TRIM71: variants seen among roughly 807,000 people sequenced by gnomAD.
TRIM71 encodes the protein tripartite motif containing 71.
TRIM71 carries 9 observed loss-of-function variants against 61.2 expected under a neutral mutation model. The ratio of observed to expected loss-of-function variants is 0.15; its 90% CI spans 0.09 to 0.26. The LOEUF (loss-of-function observed/expected upper bound fraction) is 0.26, where lower values mean the gene tolerates loss of function less well. Ranked by LOEUF, TRIM71 falls within the 10% of genes least tolerant of loss-of-function variation. TRIM71 has a pLI of 1.00. For missense variants in TRIM71, 998 were observed against 1,238.7 expected (o/e 0.81, Z 2.92); for synonymous variants, 645 against 553.2 (o/e 1.17, Z -2.33).
At position 32,818,938 on chromosome 3, in the gene TRIM71, TGCGTGGGG is replaced by T. The variant is rs1453902867; in HGVS notation, c.852+12_852+19del. On this transcript the variant is annotated splice_region_variant and intron_variant, in intron 1 of 3. Coordinates refer to ENST00000383763, the MANE Select transcript of TRIM71 (RefSeq NM_001039111.3). Reference sequence around the variant, plus strand: ...GCCAGCACCACGACGACGAGGTGAGTGCGTGGGGGCGTGTGTTTGTGTCCATCGGATAA... The same window carrying T: ...GCCAGCACCACGACGACGAGGTGAGTGCGTGTGTTTGTGTCCATCGGATAA... The T allele has an allele frequency of 6.2e-7, 1 of 1,610,530 alleles. No homozygotes were observed. The highest frequency in any genetic ancestry group is 1.1e-5 in the South Asian group (1 of 90,818).
intron 1 of TRIM71, among the ~76,000 whole-genome samples, chr3:32,838,231 A>T (rs1448686832): frequency 6.6e-6 from 1 of 151,968 alleles, no homozygotes; most frequent in African/African-American, 2.4e-5. Context: ...TATTATTATT[A>T]TATTTTTTTG....
intron 1 of TRIM71, among the ~76,000 whole-genome samples, chr3:32,859,475 C>A (rs563880260): frequency 6.6e-6 from 1 of 152,208 alleles, no homozygotes; most frequent in Admixed American, 6.5e-5. Flanking sequence ...CAGGCTGGTT[C>A]TTGAACTCCT....
intron 1 of TRIM71, among the ~76,000 whole-genome samples, chr3:32,861,879 A>C (rs977521513): frequency 1.3e-5 from 2 of 151,954 alleles, no homozygotes. Context: ...ACACCCCCAC[A>C]CCCCACCTGA....
Position 32,818,258 on chromosome 3 carries a change from C to T in TRIM71, c.178C>T (p.Pro60Ser). Residue 60 changes from proline (P) to serine (S), a missense_variant, in exon 1 of 4, where the codon CCC becomes TCC. Around this residue, in one of 5 missense-constraint regions of TRIM71, gnomAD observed 527 missense variants for 427.8 expected, o/e 1.23. Coordinates refer to ENST00000383763, the MANE Select transcript of TRIM71 (RefSeq NM_001039111.3). ...GGCGGCGCGCCGCCTACACGTCCTGCCCTGCCTGCACGCCTTCTGCCGCCC... is the reference window on the plus strand; with the variant it reads ...GGCGGCGCGCCGCCTACACGTCCTGTCCTGCCTGCACGCCTTCTGCCGCCC... Reference protein sequence around the residue: ...GAAARRLHVLPCLHAFCRPCL... With the variant: ...GAAARRLHVLSCLHAFCRPCL... The T allele has an allele frequency of 1.4e-6, 2 of 1,453,944 alleles. No individual in the cohort carries two copies. The highest frequency in any genetic ancestry group is 1.8e-6 in the Non-Finnish European group (2 of 1,117,306). The allele number at this position is 1,453,944 out of a possible 1,614,324, so 90.1% of individuals were successfully genotyped here.
intron 1 of TRIM71, among the ~76,000 whole-genome samples, chr3:32,824,424 CTCAGGTGATCCA>C (rs773204338): frequency 5.9e-5 from 9 of 151,522 alleles, no homozygotes; most frequent in Non-Finnish European, 1.0e-4. Flanking sequence ...AACTCCTGAC[CTCAGGTGATCCA>C]CCTGCCTCGG....
intron 1 of TRIM71, among the ~76,000 whole-genome samples, chr3:32,865,326 C>T (rs1696720275): frequency 6.6e-6 from 1 of 151,936 alleles, no homozygotes; most frequent in African/African-American, 2.4e-5. Flanking sequence ...AAGATTCCAT[C>T]TCAAAAAAAC....
intron 1 of TRIM71, among the ~76,000 whole-genome samples, chr3:32,850,781 G>T (rs780644412): frequency 2.4e-4 from 36 of 152,072 alleles, no homozygotes; most frequent in Non-Finnish European, 4.9e-4. Flanking sequence ...GGGACCATTC[G>T]CTGCCCTATC....
chr3:32,854,478 C>T (rs1234629551), intron 1 of TRIM71, among the ~76,000 whole-genome samples: 1 of 152,160 alleles, frequency 6.6e-6, no homozygotes, highest in African/African-American at 2.4e-5. Flanking sequence ...TTCTCTGTGG[C>T]TACCCACTTG....
intron 2 of TRIM71, among the ~76,000 whole-genome samples, chr3:32,884,491 A>T (rs747294268): frequency 3.3e-5 from 5 of 151,450 alleles, no homozygotes; most frequent in Admixed American, 2.6e-4. Context: ...TGAGCCCAGG[A>T]GTTCGAGACC....
intron 1 of TRIM71, among the ~76,000 whole-genome samples, chr3:32,841,630 C>T (rs934739183): frequency 6.6e-6 from 1 of 152,126 alleles, no homozygotes; most frequent in Non-Finnish European, 1.5e-5. Flanking sequence ...CCCCACCCCC[C>T]AAAAGAAAAA....
Position 32,853,707 on chromosome 3 carries a change from T to C in TRIM71, c.853-20111T>C, listed in dbSNP as rs145293669. 3.1e-4 allele frequency among the ~76,000 whole-genome samples: 47 copies of C among 152,288 alleles called. 1 individual carries two copies. In the East Asian group the frequency reaches 7.9e-3, roughly 26 times the overall value. On this transcript the variant is annotated intron_variant, in intron 1 of 3. Transcript: ENST00000383763. ...GTTTGTCAAGTCTGGAGTTTGGTTT[T>C]GTCAAAAGTTTGTGGGAGGCCTGGT...
intron 1 of TRIM71, among the ~76,000 whole-genome samples, chr3:32,831,632 G>T (rs545922550): frequency 1.3e-5 from 2 of 149,570 alleles, no homozygotes; most frequent in East Asian, 4.0e-4. Context: ...TCCGACTCGG[G>T]TTCAAGTGGT....
chr3:32,863,699 T>G (rs1189876853), intron 1 of TRIM71, among the ~76,000 whole-genome samples: 2 of 152,184 alleles, frequency 1.3e-5, no homozygotes, highest in Non-Finnish European at 2.9e-5. Context: ...TTTTGTTTTT[T>G]TGAGACGGAG....
rs1412216740 is a variant in TRIM71 at position 32,890,809 on chromosome 3, G to T, written c.1605G>T (p.Leu535=). Residue 535 remains leucine (L), a synonymous_variant, in exon 4 of 4, where the codon CTG becomes CTT. Transcript: ENST00000383763. This position sits in a 1 kb window ranked among gnomAD's most constrained non-coding sequence, Gnocchi z 6.2. ...TGGTCCTGGGCCCTGATGGCAACCT[G>T]TTTGGTGCAGAGGTGAGTGATCAGC... ...SAVVLGPDGN[L]FGAEVSDQQN... 9.3e-6 allele frequency: 15 copies of T among 1,614,186 alleles called. No homozygotes were observed. The highest frequency in any genetic ancestry group is 1.3e-5 in the Non-Finnish European group (15 of 1,180,042).
At chr3:32,874,350 A>ACTG (rs1696831336) in intron 2 of TRIM71, among the ~76,000 whole-genome samples, 1 of 150,594 alleles carries the variant, frequency 6.6e-6, no homozygotes, top group Non-Finnish European at 1.5e-5. Flanking sequence ...TACTACTACT[A>ACTG]CTACTACTAC....
In TRIM71 at chr3:32,827,562, G is replaced by A. The variant is rs765790492; in HGVS notation, c.852+8630G>A. On this transcript the variant is annotated intron_variant, in intron 1 of 3. Coordinates refer to ENST00000383763, the MANE Select transcript of TRIM71 (RefSeq NM_001039111.3). Reference sequence around the variant, plus strand: ...AGGCGTGAGCCACCGCGCCTTGCAAGGGGGGATAATTCTTGATTGTGATCA... The same window carrying A: ...AGGCGTGAGCCACCGCGCCTTGCAAAGGGGGATAATTCTTGATTGTGATCA... Among the ~76,000 whole-genome samples the A allele has an allele frequency of 2.9e-4, 44 of 152,208 alleles. 1 individual carries two copies. The highest frequency in any genetic ancestry group is 7.8e-4 in the Admixed American group (12 of 15,288).
intron 1 of TRIM71, among the ~76,000 whole-genome samples, chr3:32,829,312 G>T (rs540955353): frequency 4.0e-4 from 61 of 151,400 alleles, no homozygotes; most frequent in South Asian, 6.3e-4. Flanking sequence ...AGCCTCCCGA[G>T]TAGCTGGGAT....
intron 2 of TRIM71, among the ~76,000 whole-genome samples, chr3:32,876,320 A>T (rs1373803071): frequency 6.6e-6 from 1 of 152,116 alleles, no homozygotes; most frequent in Non-Finnish European, 1.5e-5. Context: ...ACGGTTGCTC[A>T]AACCTGTAAT....
intron 1 of TRIM71, among the ~76,000 whole-genome samples, chr3:32,871,628 C>T (rs529667470): frequency 1.6e-4 from 25 of 152,304 alleles, no homozygotes; most frequent in Non-Finnish European, 2.9e-4. Flanking sequence ...TGAATTTATC[C>T]AGCTCAGCAT....
Sources: gnomAD v4.1 joint callset for allele counts (sites outside exome capture counted in the v4.1 genomes callset) on GRCh38, gnomAD v4.1.1 for gene constraint, gnomAD v4.1.1 regional missense constraint, Gnocchi (gnomAD v3.1) non-coding constraint, MANE v1.5 for transcripts, NCBI Gene and HGNC (gene_info 2026-07-23, HGNC 2026-07-21) for gene names.